The following DIS3L2 variants were observed in gnomAD, a reference collection of about 807,000 sequenced individuals.
DIS3L2 encodes the protein DIS3-like exonuclease 2.
In DIS3L2, 34 loss-of-function variants were observed where a neutral mutation model predicts 97.5. That is an observed-to-expected ratio of 0.35 (90% CI 0.27 to 0.46). The LOEUF (loss-of-function observed/expected upper bound fraction) is 0.46, where lower values mean the gene tolerates loss of function less well. Ranked by LOEUF, DIS3L2 falls within the 20% of genes least tolerant of loss-of-function variation. DIS3L2 has a pLI of 1.00. For missense variants in DIS3L2, 1,038 were observed against 1,146.0 expected (o/e 0.91, Z 1.36); for synonymous variants, 435 against 445.2 (o/e 0.98, Z 0.29).
At chr2:232,120,270 T>C (rs1025960800) in intron 6 of DIS3L2, among the ~76,000 whole-genome samples, 9 of 152,220 alleles carry the variant, frequency 5.9e-5, no homozygotes, top group Admixed American at 5.9e-4. Context: ...GTTTGGATTC[T>C]GAAGGTAGTG....
chr2:232,165,891 G>A (rs941312154), intron 9 of DIS3L2, among the ~76,000 whole-genome samples: 2 of 152,026 alleles, frequency 1.3e-5, no homozygotes, highest in African/African-American at 4.8e-5. Context: ...TCACAAAATA[G>A]AAGTATTCCA....
rs192657765 is a variant in DIS3L2 at position 232,210,746 on chromosome 2, G to A, written c.1204+341G>A. On this transcript the variant is annotated intron_variant, in intron 10 of 20. Coordinates refer to ENST00000325385, the MANE Select transcript of DIS3L2 (RefSeq NM_152383.5). Reference sequence around the variant, plus strand: ...GTATCACAGAAAGAAAGCTTGTAAGGGCTCTGCTTGGGAGAGACATAGGGT... The same window carrying A: ...GTATCACAGAAAGAAAGCTTGTAAGAGCTCTGCTTGGGAGAGACATAGGGT... 8.6e-4 allele frequency among the ~76,000 whole-genome samples: 131 copies of A among 152,096 alleles called. 1 individual carries two copies. Among genetic ancestry groups the A allele is most frequent in the African/African-American group, 3.1e-3 (128 of 41,476 alleles).
chr2:231,972,800 T>C (rs1692960034), intron 1 of DIS3L2, among the ~76,000 whole-genome samples: 1 of 152,204 alleles, frequency 6.6e-6, no homozygotes, highest in South Asian at 2.1e-4. Context: ...CACCTCGGCC[T>C]CTCAAAGTGC....
intron 5 of DIS3L2, among the ~76,000 whole-genome samples, chr2:232,082,168 T>G (rs1443812970): frequency 6.6e-6 from 1 of 152,276 alleles, no homozygotes; most frequent in African/African-American, 2.4e-5. Context: ...GATCTCATAA[T>G]GATCTTTTCC....
At chr2:232,137,776 A>G (rs569508583) in intron 8 of DIS3L2, among the ~76,000 whole-genome samples, 120 of 152,380 alleles carry the variant, frequency 7.9e-4, no homozygotes, top group African/African-American at 2.8e-3. Flanking sequence ...AAATGATCTC[A>G]TAGCTACTTA....
chr2:232,123,014 AGCTGTT>A (rs1697954985), intron 6 of DIS3L2, among the ~76,000 whole-genome samples: 1 of 152,154 alleles, frequency 6.6e-6, no homozygotes, highest in Non-Finnish European at 1.5e-5. Flanking sequence ...ATATAAGGAG[AGCTGTT>A]GATCATTAGG....
At position 232,220,233 on chromosome 2, in the gene DIS3L2, T is replaced by TG. The variant is rs1220996187; in HGVS notation, c.1204+9833dup. On this transcript the variant is annotated intron_variant, in intron 10 of 20. Coordinates refer to ENST00000325385, the MANE Select transcript of DIS3L2 (RefSeq NM_152383.5). ...CTGAGGTGGGAAGACCACTTGAGCC[T>TG]GGGGGTTCAAGCCTGCAGTGAGCCA... Among the ~76,000 whole-genome samples the TG allele has an allele frequency of 3.1e-4, 47 of 151,926 alleles. 1 individual carries two copies. Among genetic ancestry groups the TG allele is most frequent in the African/African-American group, 1.1e-3 (46 of 41,338 alleles).
intron 5 of DIS3L2, among the ~76,000 whole-genome samples, chr2:232,085,384 C>T (rs1696543655): frequency 6.6e-6 from 1 of 152,218 alleles, no homozygotes; most frequent in Non-Finnish European, 1.5e-5. Flanking sequence ...GTAAATTGTT[C>T]ATCATTTGTC....
At chr2:232,014,795 C>A in intron 1 of DIS3L2, 40 bp from the exon 2 acceptor site, 1 of 926,712 alleles carries the variant, frequency 1.1e-6, no homozygotes, top group Non-Finnish European at 1.6e-6. Flanking sequence ...GAGGCTACAG[C>A]TTAACCGCTC....
In DIS3L2 at chr2:232,268,784, C is replaced by T. The variant is rs1308447392; in HGVS notation, c.1659+5344C>T. Among the ~76,000 whole-genome samples the T allele has an allele frequency of 6.6e-6, 1 of 152,210 alleles. No individual in the cohort carries two copies. Among genetic ancestry groups the T allele is most frequent in the African/African-American group, 2.4e-5 (1 of 41,450 alleles). On this transcript the variant is annotated intron_variant, in intron 13 of 20. Coordinates refer to ENST00000325385, the MANE Select transcript of DIS3L2 (RefSeq NM_152383.5). This position sits in a 1 kb window ranked among gnomAD's most constrained non-coding sequence, Gnocchi z 4.1. ...CAGCTAGCAATTCAGCCCTGCTATC[C>T]AGTGAGCTTTTAGCAGCTCATCATC...
At chr2:232,263,058 G>C (rs994483694) in intron 12 of DIS3L2, 149 bp from the exon 13 acceptor site, 1 of 784,770 alleles carries the variant, frequency 1.3e-6, no homozygotes, top group Admixed American at 2.4e-5. Context: ...GATTCATCTG[G>C]GTGCCTAGCC....
intron 15 of DIS3L2, 149 bp from the exon 16 acceptor site, chr2:232,330,541 T>A: frequency 5.0e-6 from 4 of 805,350 alleles, no homozygotes; most frequent in Non-Finnish European, 6.2e-6. Flanking sequence ...CTGCCCCCTC[T>A]CCCCACCCAT....
At chr2:232,133,754 G>A (rs191959534) in intron 7 of DIS3L2, among the ~76,000 whole-genome samples, 9 of 152,164 alleles carry the variant, frequency 5.9e-5, no homozygotes, top group African/African-American at 2.2e-4. Flanking sequence ...GGAGGCCAAG[G>A]TGGGCAGATC....
intron 5 of DIS3L2, among the ~76,000 whole-genome samples, chr2:232,075,433 A>G (rs10167702): frequency 0.12 from 17,742 of 152,226 alleles, 2,496 homozygotes; most frequent in African/African-American, 0.33. Flanking sequence ...GCTCACTCCT[A>G]TTCCTTGTTG....
At chr2:232,253,753 G>A (rs1693479303) in intron 12 of DIS3L2, among the ~76,000 whole-genome samples, 1 of 152,058 alleles carries the variant, frequency 6.6e-6, no homozygotes, top group Non-Finnish European at 1.5e-5. Flanking sequence ...AAAAAATCAG[G>A]AAGTAGCAGA....
chr2:231,962,827 C>G (rs1002459137), intron 1 of DIS3L2, among the ~76,000 whole-genome samples: 1 of 152,162 alleles, frequency 6.6e-6, no homozygotes, highest in African/African-American at 2.4e-5. Context: ...TAAGTGAGAA[C>G]GTGTGGTGTT....
chr2:231,972,021 C>T (rs2106165273), intron 1 of DIS3L2, among the ~76,000 whole-genome samples: 1 of 151,504 alleles, frequency 6.6e-6, no homozygotes, highest in African/African-American at 2.4e-5. Context: ...CCTGTCTCTA[C>T]TAGGAATACA....
Position 232,316,995 on chromosome 2 carries a change from A to G in DIS3L2, c.1740-12818A>G, listed in dbSNP as rs117698991. The stretch of plus-strand genomic sequence containing the variant: ...GGTGAATTTCCCAGCTGTTAGTGTC[A>G]TCGAGCTTAACTCTCACATCCTTAA... On this transcript the variant is annotated intron_variant, in intron 14 of 20. Coordinates refer to ENST00000325385, the MANE Select transcript of DIS3L2 (RefSeq NM_152383.5). Among the ~76,000 whole-genome samples, 119 of 152,264 alleles carry G rather than the reference A, an allele frequency of 7.8e-4. 1 individual carries two copies. The East Asian group carries it at 0.021, about 27-fold the overall frequency.
chr2:232,147,584 T>C (rs576553861), intron 8 of DIS3L2, among the ~76,000 whole-genome samples: 40 of 152,330 alleles, frequency 2.6e-4, no homozygotes, highest in African/African-American at 9.1e-4. Context: ...AAATGTGGTT[T>C]TTAAGAGAAT....
Sources: gnomAD v4.1 joint callset for allele counts (sites outside exome capture counted in the v4.1 genomes callset) on GRCh38, gnomAD v4.1.1 for gene constraint, Gnocchi (gnomAD v3.1) non-coding constraint, MANE v1.5 for transcripts, NCBI Gene and HGNC (gene_info 2026-07-23, HGNC 2026-07-21) for gene names.